Variants in PDIK1L observed in about 807,000 individuals in gnomAD.
The protein encoded by PDIK1L is serine/threonine-protein kinase PDIK1L.
Under a neutral mutation model 27.1 loss-of-function variants are expected in PDIK1L, and 9 were observed. The observed-to-expected ratio is 0.33, with a 90% CI of 0.20 to 0.58. The LOEUF (loss-of-function observed/expected upper bound fraction) is 0.58. Ranked by LOEUF, PDIK1L falls within the 20% of genes least tolerant of loss-of-function variation. PDIK1L has a pLI of 0.86. For synonymous variants in PDIK1L, 130 were observed against 141.7 expected, an observed-to-expected ratio of 0.92 and a Z score of 0.59; for missense variants, 216 against 413.2, an observed-to-expected ratio of 0.52 and a Z score of 4.14.
In PDIK1L at chr1:26,122,083, G is replaced by A. The variant is rs775436794; in HGVS notation, c.532G>A (p.Asp178Asn). The A allele has an allele frequency of 6.8e-6, 11 of 1,613,830 alleles. No individual in the cohort carries two copies. Among genetic ancestry groups the A allele is most frequent in the Admixed American group, 3.3e-5 (2 of 59,966 alleles). The change falls in exon 3 of 3, where the codon GAT (aspartate) becomes AAT (asparagine). Residue 178 changes from aspartate (D) to asparagine (N), a missense_variant. Around this residue, in one of 2 missense-constraint regions of PDIK1L, gnomAD observed 169 missense variants for 366.0 expected, o/e 0.46. Coordinates refer to ENST00000374269, the MANE Select transcript of PDIK1L (RefSeq NM_152835.5). The surrounding 1 kb of genome is among the most constrained non-coding windows in gnomAD (Gnocchi z 5.4). Reference sequence around the variant, plus strand: ...CATCCTGATTTCTCAAACCAGGTTGGATACCAGTGACTTGGAACCTACCCT... The same window carrying A: ...CATCCTGATTTCTCAAACCAGGTTGAATACCAGTGACTTGGAACCTACCCT... ...DNILISQTRL[D>N]TSDLEPTLKV... is the part of the protein sequence containing the mutation.
Position 26,114,604 on chromosome 1 carries a change from TTGA to T in PDIK1L, c.285+13_285+15del. 2 of 1,606,160 alleles carry T rather than the reference TTGA, an allele frequency of 1.2e-6. No individual in the cohort carries two copies. Among genetic ancestry groups the T allele is most frequent in the Non-Finnish European group, 1.7e-6 (2 of 1,173,504 alleles). On this transcript the variant is annotated intron_variant, in intron 2 of 2. Transcript: ENST00000374269. This position sits in a 1 kb window ranked among gnomAD's most constrained non-coding sequence, Gnocchi z 4.8. ...TCCCTTTATTTACAGGTATGTGTTG[TTGA>T]TTGGGAAATAGAAATGATTTGAACA...
rs2088005162 is a variant in PDIK1L, at chr1:26,122,506, C to T, written c.955C>T (p.Arg319Cys). The change falls in exon 3 of 3, where the codon CGT becomes TGT. Residue 319 changes from arginine to cysteine, a missense_variant. Arg to Cys is a radical substitution (Grantham distance 180). Transcript: ENST00000374269. The surrounding 1 kb of genome is among the most constrained non-coding windows in gnomAD (Gnocchi z 5.4). ...KEMLAANPQD[R>C]PDAFELELRL... ...AATGCTGGCTGCAAACCCTCAGGATCGTCCAGATGCTTTTGAACTAGAACT... is the reference window on the plus strand; with the variant it reads ...AATGCTGGCTGCAAACCCTCAGGATTGTCCAGATGCTTTTGAACTAGAACT... 1.2e-6 allele frequency: 2 copies of T among 1,613,992 alleles called. No homozygotes were observed. Among genetic ancestry groups the T allele is most frequent in the South Asian group, 1.1e-5 (1 of 91,076 alleles).
In PDIK1L at chr1:26,114,633, T is replaced by C. The variant is rs926606158; in HGVS notation, c.285+40T>C. On this transcript the variant is annotated intron_variant, in intron 2 of 2. Transcript: ENST00000374269. This position sits in a 1 kb window ranked among gnomAD's most constrained non-coding sequence, Gnocchi z 4.8. ...TTGGGAAATAGAAATGATTTGAACA[T>C]GGCATTGGCCAGCAAGAAGAGGAAT... 1.3e-6 allele frequency: 2 copies of C among 1,593,136 alleles called. No homozygotes were observed. Among genetic ancestry groups the C allele is most frequent in the Non-Finnish European group, 8.6e-7 (1 of 1,165,100 alleles).
rs2088056227 is a variant in PDIK1L, at chr1:26,125,144, T to C, written c.*2567T>C. 6.6e-6 allele frequency: 1 copy of C among 152,582 alleles called. No individual in the cohort carries two copies. The highest frequency in any genetic ancestry group is 6.6e-5 in the Admixed American group (1 of 15,266). The allele number at this position is 152,582 out of a possible 1,614,324, so 9.5% of individuals were successfully genotyped here. On this transcript the variant is annotated 3_prime_UTR_variant, in exon 3 of 3. Coordinates refer to ENST00000374269, the MANE Select transcript of PDIK1L (RefSeq NM_152835.5). Reference sequence around the variant, plus strand: ...GGGGTTGTACAGTTAGTTCCTAGAATGTTATTTTGCACTAGTTGTCACTTA... The same window carrying C: ...GGGGTTGTACAGTTAGTTCCTAGAACGTTATTTTGCACTAGTTGTCACTTA...
chr1:26,120,126 C>T (rs144811340), intron 2 of PDIK1L, among the ~76,000 whole-genome samples: 48 of 152,150 alleles, frequency 3.2e-4, no homozygotes, highest in Non-Finnish European at 4.6e-4. Context: ...CGTATGGTTT[C>T]GATGCTAAAA....
In PDIK1L at chr1:26,121,887, C is replaced by T; in HGVS notation, c.336C>T (p.Ala112=). 1.2e-6 allele frequency: 2 copies of T among 1,613,480 alleles called. No homozygotes were observed. The highest frequency in any genetic ancestry group is 1.7e-6 in the Non-Finnish European group (2 of 1,179,722). The change falls in exon 3 of 3, where the codon GCC becomes GCT. Residue 112 remains alanine (A), a synonymous_variant. Coordinates refer to ENST00000374269, the MANE Select transcript of PDIK1L (RefSeq NM_152835.5). ...AAATTGCCTTTGATCCCAGAAGCGC[C>T]TATTATTTGTGGTTTGTGATGGATT... ...KGEIAFDPRS[A]YYLWFVMDFC...
At chr1:26,118,744 A>G (rs1366276770) in intron 2 of PDIK1L, among the ~76,000 whole-genome samples, 2 of 152,258 alleles carry the variant, frequency 1.3e-5, no homozygotes, top group Admixed American at 1.3e-4. Context: ...CCAGACATTC[A>G]TCAACACATT....
chr1:26,116,155 A>G (rs1458924011), intron 2 of PDIK1L, among the ~76,000 whole-genome samples: 2 of 151,482 alleles, frequency 1.3e-5, no homozygotes, highest in African/African-American at 2.4e-5. Context: ...GTGAACCAAG[A>G]TCGCACCACT....
rs55989811 is a variant in PDIK1L, at chr1:26,114,530, C to T, written c.222C>T (p.Ile74=). The T allele has an allele frequency of 2.7e-5, 44 of 1,614,114 alleles. No individual in the cohort carries two copies. The East Asian group carries it at 8.9e-4, about 33-fold the overall frequency. The part of the protein sequence containing the change: ...HPNVIHLEEC[I]LQKDGMVQKM... ...ATGTGATTCACTTGGAGGAATGCAT[C>T]CTACAAAAGGATGGGATGGTGCAAA... is the stretch of plus-strand genomic sequence containing the variant. Residue 74 remains isoleucine (I), a synonymous_variant, in exon 2 of 3, where the codon ATC becomes ATT. Transcript: ENST00000374269. The surrounding 1 kb of genome is among the most constrained non-coding windows in gnomAD (Gnocchi z 4.8).
chr1:26,114,049 G>T lies in PDIK1L; in HGVS notation c.-17-243G>T, dbSNP rs570759352. Among the ~76,000 whole-genome samples the T allele has an allele frequency of 6.6e-5, 10 of 152,266 alleles. No individual in the cohort carries two copies. The South Asian group carries it at 2.1e-3, about 31-fold the overall frequency. Reference sequence around the variant, plus strand: ...GACCATAATAGTATCTATCTCATCAGATTATTATGAGGATTAACTGAATTT... The same window carrying T: ...GACCATAATAGTATCTATCTCATCATATTATTATGAGGATTAACTGAATTT... On this transcript the variant is annotated intron_variant, in intron 1 of 2. Coordinates refer to ENST00000374269, the MANE Select transcript of PDIK1L (RefSeq NM_152835.5). The surrounding 1 kb of genome is among the most constrained non-coding windows in gnomAD (Gnocchi z 4.8).
chr1:26,120,140 G>A (rs1307416981), intron 2 of PDIK1L, among the ~76,000 whole-genome samples: 2 of 152,154 alleles, frequency 1.3e-5, no homozygotes, highest in Non-Finnish European at 2.9e-5. Context: ...GCTAAAAATA[G>A]TTCTTAGATT....
Position 26,114,446 on chromosome 1 carries a change from T to C in PDIK1L, c.138T>C (p.Asn46=), listed in dbSNP as rs1438963860. ...VKKIRCHAPE[N]VELALREFWA... is the part of the protein sequence containing the mutation. ...AAATTCGATGTCACGCACCTGAAAATGTTGAACTAGCCCTTCGTGAGTTCT... is the reference window on the plus strand; with the variant it reads ...AAATTCGATGTCACGCACCTGAAAACGTTGAACTAGCCCTTCGTGAGTTCT... Residue 46 remains asparagine, a synonymous_variant, in exon 2 of 3, where the codon AAT becomes AAC. Transcript: ENST00000374269. This position sits in a 1 kb window ranked among gnomAD's most constrained non-coding sequence, Gnocchi z 4.8. The C allele has an allele frequency of 6.2e-7, 1 of 1,614,042 alleles. No homozygotes were observed. The highest frequency in any genetic ancestry group is 1.7e-5 in the Admixed American group (1 of 59,972).
intron 2 of PDIK1L, among the ~76,000 whole-genome samples, chr1:26,115,450 G>A (rs895311192): frequency 6.6e-6 from 1 of 152,210 alleles, no homozygotes; most frequent in African/African-American, 2.4e-5. Context: ...TATACTCAAA[G>A]AATAGAAAAT....
chr1:26,115,437 C>A (rs1053988707), intron 2 of PDIK1L, among the ~76,000 whole-genome samples: 1 of 152,210 alleles, frequency 6.6e-6, no homozygotes, highest in Non-Finnish European at 1.5e-5. Flanking sequence ...TCTCTAGTAG[C>A]TCTATACTCA....
intron 2 of PDIK1L, among the ~76,000 whole-genome samples, chr1:26,115,936 C>T (rs768261002): frequency 2.6e-5 from 4 of 152,016 alleles, no homozygotes; most frequent in Non-Finnish European, 4.4e-5. Context: ...GGTGGCTCAT[C>T]ACGCCTGTAA....
At chr1:26,121,250 A>G (rs970649672) in intron 2 of PDIK1L, among the ~76,000 whole-genome samples, 2 of 152,210 alleles carry the variant, frequency 1.3e-5, no homozygotes, top group Non-Finnish European at 2.9e-5. Context: ...GAGCCAACGT[A>G]TTTGCATTCT....
At chr1:26,116,626 C>T (rs1297901247) in intron 2 of PDIK1L, among the ~76,000 whole-genome samples, 1 of 152,170 alleles carries the variant, frequency 6.6e-6, no homozygotes, top group African/African-American at 2.4e-5. Context: ...TGCAAGTTTC[C>T]TTGTACGATG....
At chr1:26,120,711 T>C (rs2087964960) in intron 2 of PDIK1L, among the ~76,000 whole-genome samples, 1 of 152,202 alleles carries the variant, frequency 6.6e-6, no homozygotes, top group Non-Finnish European at 1.5e-5. Context: ...CCCAGCACTT[T>C]GGGAGGCCGA....
At position 26,125,543 on chromosome 1, in the gene PDIK1L, A is replaced by C. The variant is rs192510798; in HGVS notation, c.*2966A>C. 156 of 152,490 alleles carry C rather than the reference A, an allele frequency of 1.0e-3. 3 individuals are homozygous for C. Among genetic ancestry groups the C allele is most frequent in the South Asian group, 4.1e-4 (2 of 4,830 alleles). 9.4% of individuals were successfully genotyped at this position (152,490 alleles called of 1,614,324 possible). A position where few individuals can be genotyped will look rare whatever the true frequency, so the allele number is the denominator to read the frequency against. ...TAAAGTGAGTTTCAACAAAAAAAAAACTGAAAATTCTACATTGCTGCTTTA... is the reference window on the plus strand; with the variant it reads ...TAAAGTGAGTTTCAACAAAAAAAAACCTGAAAATTCTACATTGCTGCTTTA... On this transcript the variant is annotated 3_prime_UTR_variant, in exon 3 of 3. Transcript: ENST00000374269.
Sources: gnomAD v4.1 joint callset for allele counts (sites outside exome capture counted in the v4.1 genomes callset) on GRCh38, gnomAD v4.1.1 for gene constraint, gnomAD v4.1.1 regional missense constraint, Gnocchi (gnomAD v3.1) non-coding constraint, MANE v1.5 for transcripts, NCBI Gene and HGNC (gene_info 2026-07-23, HGNC 2026-07-21) for gene names.